PARD3B: variants seen among roughly 807,000 people sequenced by gnomAD.
The protein encoded by PARD3B is par-3 family cell polarity regulator beta.
A neutral mutation model predicts 130.2 loss-of-function variants in PARD3B; 103 were observed. The observed-to-expected ratio is 0.79, with a 90% CI of 0.67 to 0.93. The LOEUF (loss-of-function observed/expected upper bound fraction) is 0.93. PARD3B is among the 40% of genes least tolerant of loss of function. The pLI, the probability that PARD3B is intolerant of heterozygous loss-of-function variation, is 0.00. For synonymous variants in PARD3B, 583 were observed against 553.2 expected (o/e 1.05, Z -0.76); for missense variants, 1,609 against 1,499.2 (o/e 1.07, Z -1.21).
chr2:204,731,534 G>A lies in PARD3B; in HGVS notation c.222+45252G>A, dbSNP rs149791074. 3.6e-3 allele frequency among the ~76,000 whole-genome samples: 546 copies of A among 152,242 alleles called. 1 individual carries two copies. Among genetic ancestry groups the A allele is most frequent in the African/African-American group, 0.011 (464 of 41,558 alleles). ...AGCTTATGTAAAACAGTCTAGACCC[G>A]TTTAGGAGTTTATTTGTTGTCATAA... On this transcript the variant is annotated intron_variant, in intron 2 of 22. Transcript: ENST00000406610.
At chr2:204,999,961 T>G (rs1403003544) in intron 3 of PARD3B, among the ~76,000 whole-genome samples, 1 of 152,110 alleles carries the variant, frequency 6.6e-6, no homozygotes, top group East Asian at 1.9e-4. Context: ...GTTCTTTGAT[T>G]CTGGGGGTTT....
At chr2:205,361,015 A>G (rs942239450) in intron 18 of PARD3B, among the ~76,000 whole-genome samples, 1 of 151,808 alleles carries the variant, frequency 6.6e-6, no homozygotes, top group African/African-American at 2.4e-5. Flanking sequence ...GCCCCAACCC[A>G]GGATCACATG....
chr2:205,359,220 C>A (rs533889104), intron 18 of PARD3B, among the ~76,000 whole-genome samples: 4 of 152,126 alleles, frequency 2.6e-5, no homozygotes, highest in South Asian at 2.1e-4. Flanking sequence ...CTTCAACTTT[C>A]GAAAGATTAA....
chr2:205,438,714 G>A (rs1225542323), intron 19 of PARD3B, among the ~76,000 whole-genome samples: 9 of 152,130 alleles, frequency 5.9e-5, no homozygotes, highest in East Asian at 5.8e-4. Flanking sequence ...GGCCCTTAAC[G>A]GGTACCCTAC....
intron 18 of PARD3B, among the ~76,000 whole-genome samples, chr2:205,310,278 G>A (rs368376980): frequency 1.8e-4 from 28 of 151,712 alleles, no homozygotes; most frequent in East Asian, 5.8e-4. Flanking sequence ...TAATAGAGAC[G>A]GGGTTTCACC....
intron 1 of PARD3B, among the ~76,000 whole-genome samples, chr2:204,605,910 A>G (rs2033705875): frequency 6.6e-6 from 1 of 152,028 alleles, no homozygotes; most frequent in Non-Finnish European, 1.5e-5. Context: ...TCCTATGGCT[A>G]TTCTTGTAAT....
chr2:204,876,922 G>A (rs962175552), intron 2 of PARD3B, among the ~76,000 whole-genome samples: 16 of 152,050 alleles, frequency 1.1e-4, no homozygotes, highest in African/African-American at 3.4e-4. Context: ...AACTGTGCAG[G>A]TCCACGTACA....
chr2:204,975,144 T>C (rs1692034860), intron 3 of PARD3B, among the ~76,000 whole-genome samples: 2 of 152,370 alleles, frequency 1.3e-5, no homozygotes, highest in South Asian at 4.1e-4. Flanking sequence ...TCTTCATGTG[T>C]ACCATTAGTC....
At chr2:205,155,061 CA>C (rs10711367) in intron 10 of PARD3B, among the ~76,000 whole-genome samples, 106,031 of 148,138 alleles carry the variant, frequency 0.72, 37,641 homozygotes, top group Admixed American at 0.79. Context: ...AATTTCATTT[CA>C]AAAAAAAAAA....
At chr2:205,237,423 G>T (rs2039118200) in intron 15 of PARD3B, among the ~76,000 whole-genome samples, 1 of 151,890 alleles carries the variant, frequency 6.6e-6, no homozygotes, top group Non-Finnish European at 1.5e-5. Context: ...TACACATATT[G>T]GTATTTTTTC....
chr2:204,783,542 T>A (rs534517738), intron 2 of PARD3B, among the ~76,000 whole-genome samples: 1 of 152,158 alleles, frequency 6.6e-6, no homozygotes, highest in Admixed American at 6.6e-5. Flanking sequence ...CAAAACACAG[T>A]ACAAATACCT....
intron 21 of PARD3B, among the ~76,000 whole-genome samples, chr2:205,545,759 A>C (rs1037563096): frequency 6.6e-6 from 1 of 152,208 alleles, no homozygotes; most frequent in Admixed American, 6.5e-5. Context: ...TCCGCTTTTC[A>C]TCAGCAGACA....
rs374618044 is a variant in PARD3B, at chr2:205,482,314, CT to C, written c.3045-17581del. On this transcript the variant is annotated intron_variant, in intron 20 of 22. Transcript: ENST00000406610. ...AGAGAGACTTGCCACAAGGGTTGCTCTGCCATATCTAGTCCAGCAGAGGTTA... is the reference window on the plus strand; with the variant it reads ...AGAGAGACTTGCCACAAGGGTTGCTCGCCATATCTAGTCCAGCAGAGGTTA... Among the ~76,000 whole-genome samples, 66 of 152,274 alleles carry C rather than the reference CT, an allele frequency of 4.3e-4. 1 individual carries two copies. The highest frequency in any genetic ancestry group is 3.1e-4 in the Non-Finnish European group (21 of 68,022).
chr2:205,103,201 G>GTAAAA (rs1339580849), intron 4 of PARD3B, among the ~76,000 whole-genome samples: 7 of 132,502 alleles, frequency 5.3e-5, no homozygotes, highest in Admixed American at 1.6e-4. Flanking sequence ...TTATATTTAT[G>GTAAAA]TAAACATTTT....
chr2:204,736,735 A>G (rs1379950124), intron 2 of PARD3B, among the ~76,000 whole-genome samples: 2 of 152,188 alleles, frequency 1.3e-5, no homozygotes, highest in Non-Finnish European at 2.9e-5. Flanking sequence ...TGCTGCTGTA[A>G]ACATACGTGT....
Position 204,747,095 on chromosome 2 carries a change from G to T in PARD3B, c.222+60813G>T, listed in dbSNP as rs924682672. 4.6e-5 allele frequency among the ~76,000 whole-genome samples: 7 copies of T among 152,216 alleles called. No homozygotes were observed. In the East Asian group the frequency reaches 1.4e-3, roughly 29 times the overall value. ...GGTATTGCCTAGGTTTTCTTCTAGG[G>T]TTTTTATGGTTTTAGGTCTAACGTT... On this transcript the variant is annotated intron_variant, in intron 2 of 22. Transcript: ENST00000406610.
intron 2 of PARD3B, among the ~76,000 whole-genome samples, chr2:204,688,134 T>C (rs2037176268): frequency 6.6e-6 from 1 of 152,178 alleles, no homozygotes; most frequent in Admixed American, 6.5e-5. Context: ...AAATCCTAGC[T>C]GAGGATTAGT....
rs553822011 is a variant in PARD3B, at chr2:205,616,019, C to T, written c.*206C>T. On this transcript the variant is annotated 3_prime_UTR_variant, in exon 23 of 23. Coordinates refer to ENST00000406610, the MANE Select transcript of PARD3B (RefSeq NM_001302769.2). ...GGAGGAAAAAAAATCAGAAGGAAGA[C>T]GAAAGATGGGGCTATAAAAACAAAA... The T allele has an allele frequency of 3.7e-5, 20 of 547,618 alleles. No individual in the cohort carries two copies. The highest frequency in any genetic ancestry group is 4.8e-4 in the Middle Eastern group (1 of 2,092). The allele number at this position is 547,618 out of a possible 1,614,324, so 33.9% of individuals were successfully genotyped here.
intron 18 of PARD3B, among the ~76,000 whole-genome samples, chr2:205,382,765 T>G (rs2045498337): frequency 6.6e-6 from 1 of 152,114 alleles, no homozygotes; most frequent in Admixed American, 6.6e-5. Flanking sequence ...ATTTATTTTA[T>G]TCTAAGGGTT....
Sources: allele counts gnomAD v4.1 joint callset (sites outside exome capture counted in the v4.1 genomes callset), GRCh38; gene constraint gnomAD v4.1.1; transcripts MANE v1.5; gene names NCBI Gene and HGNC (gene_info 2026-07-23, HGNC 2026-07-21).